Variants in LNPEP observed in about 807,000 individuals in gnomAD.
LNPEP encodes the protein leucyl and cystinyl aminopeptidase, also known as leucyl-cystinyl aminopeptidase.
In LNPEP, 64 loss-of-function variants were observed where a neutral mutation model predicts 120.6. The ratio of observed to expected loss-of-function variants is 0.53; its 90% CI spans 0.43 to 0.65. The LOEUF (loss-of-function observed/expected upper bound fraction) is 0.65, where lower values mean the gene tolerates loss of function less well. Ranked by LOEUF, LNPEP falls within the 30% of genes least tolerant of loss-of-function variation. The pLI is 0.00. For missense variants in LNPEP, 1,057 were observed against 1,200.0 expected, an observed-to-expected ratio of 0.88 and a Z score of 1.76; for synonymous variants, 435 against 425.4, an observed-to-expected ratio of 1.02 and a Z score of -0.28.
intron 1 of LNPEP, chr5:96,958,398 A>G: frequency 1.3e-6 from 1 of 777,946 alleles, no homozygotes; most frequent in African/African-American, 1.9e-5. Flanking sequence ...TAATTGAATT[A>G]CCTAATAGCT....
intron 1 of LNPEP, among the ~76,000 whole-genome samples, chr5:96,970,020 T>C (rs1328346003): frequency 6.6e-6 from 1 of 151,986 alleles, no homozygotes; most frequent in African/African-American, 2.4e-5. Flanking sequence ...ATTGATTTTT[T>C]AATTGTTTCC....
At chr5:96,986,752 G>T in intron 4 of LNPEP, 82 bp downstream of exon 4, 1 of 1,262,748 alleles carries the variant, frequency 7.9e-7, no homozygotes, top group Non-Finnish European at 1.1e-6. Context: ...CCTGGTATTT[G>T]CTGTGTGAAA....
chr5:97,034,851 TC>T lies in LNPEP; in HGVS notation c.*6322del, dbSNP rs1791542256. 6.6e-6 allele frequency: 1 copy of T among 152,100 alleles called. No homozygotes were observed. The highest frequency in any genetic ancestry group is 2.4e-5 in the African/African-American group (1 of 41,436). The allele number at this position is 152,100 out of a possible 1,614,324, so 9.4% of individuals were successfully genotyped here. A position where few individuals can be genotyped will look rare whatever the true frequency, so the allele number is the denominator to read the frequency against. On this transcript the variant is annotated 3_prime_UTR_variant, in exon 18 of 18. Transcript: ENST00000231368. ...TGACTCTATGAAAAATATCCCATAC[TC>T]CCCATCCCTCATTGCCTAGGGGGCA...
rs2548223 is a variant in LNPEP, at chr5:96,936,302, G to A, written c.19+128G>A. ...CCGCGGGCTTCCCACGAGGGCTGAGGGAGGCAGGGAGAGGGGATCTGGGGG... is the reference window on the plus strand; with the variant it reads ...CCGCGGGCTTCCCACGAGGGCTGAGAGAGGCAGGGAGAGGGGATCTGGGGG... On this transcript the variant is annotated intron_variant, in intron 1 of 17. Transcript: ENST00000231368. 8.5e-3 allele frequency: 5,908 copies of A among 694,730 alleles called. 48 individuals are homozygous for A. The highest frequency in any genetic ancestry group is 0.011 in the Non-Finnish European group (5,084 of 479,192). The allele number at this position is 694,730 out of a possible 1,614,324, so 43.0% of individuals were successfully genotyped here.
At position 97,028,727 on chromosome 5, in the gene LNPEP, A is replaced by C; in HGVS notation, c.*194A>C. 1 of 482,876 alleles carries C rather than the reference A, an allele frequency of 2.1e-6. No individual in the cohort carries two copies. The highest frequency in any genetic ancestry group is 3.6e-6 in the Non-Finnish European group (1 of 274,112). 29.9% of individuals were successfully genotyped at this position (482,876 alleles called of 1,614,324 possible). Reference sequence around the variant, plus strand: ...AAGTGTCTTTGGGCAGTATGTAGTTATTTATTACAAAATTATATTCACCTA... The same window carrying C: ...AAGTGTCTTTGGGCAGTATGTAGTTCTTTATTACAAAATTATATTCACCTA... On this transcript the variant is annotated 3_prime_UTR_variant, in exon 18 of 18. Transcript: ENST00000231368.
In LNPEP at chr5:96,941,218, C is replaced by T. The variant is rs920399667; in HGVS notation, c.19+5044C>T. Among the ~76,000 whole-genome samples, 4 of 152,152 alleles carry T rather than the reference C, an allele frequency of 2.6e-5. 1 individual carries two copies. Among genetic ancestry groups the T allele is most frequent in the South Asian group, 4.1e-4 (2 of 4,830 alleles). On this transcript the variant is annotated intron_variant, in intron 1 of 17. Transcript: ENST00000231368. ...GTGCTCCTATGAGAATCTAATGCCACCACTGATCTGACAGGAGGTGGAGCT... is the reference window on the plus strand; with the variant it reads ...GTGCTCCTATGAGAATCTAATGCCATCACTGATCTGACAGGAGGTGGAGCT...
intron 2 of LNPEP, among the ~76,000 whole-genome samples, chr5:96,980,688 C>G (rs865925133): frequency 2.6e-5 from 4 of 152,138 alleles, no homozygotes; most frequent in Admixed American, 1.3e-4. Context: ...GCAGTGATAT[C>G]AGTTGTCTTG....
At chr5:96,961,914 GA>G (rs1237621232) in intron 1 of LNPEP, among the ~76,000 whole-genome samples, 2 of 152,144 alleles carry the variant, frequency 1.3e-5, no homozygotes, top group Middle Eastern at 3.2e-3. Flanking sequence ...AGAAAGGGGA[GA>G]GGGGAAAGCC....
chr5:96,936,328 A>T, intron 1 of LNPEP, 154 bp downstream of exon 1: 20 of 156,938 alleles, frequency 1.3e-4, no homozygotes, highest in Middle Eastern at 4.4e-3. Context: ...GATCTGGGGG[A>T]GGCAGGGAGG....
In LNPEP at chr5:97,022,249, C is replaced by T. The variant is rs1276114146; in HGVS notation, c.2377-51C>T. The T allele has an allele frequency of 7.8e-6, 9 of 1,149,564 alleles. No homozygotes were observed. In the Admixed American group the frequency reaches 9.0e-5, roughly 11 times the overall value. 71.2% of individuals were successfully genotyped at this position (1,149,564 alleles called of 1,614,324 possible). A position where few individuals can be genotyped will look rare whatever the true frequency, so the allele number is the denominator to read the frequency against. ...TGGCTGTAATTGTCCTGTTTTTTTT[C>T]TGATTGTCCTAATTATTATGAAGCC... On this transcript the variant is annotated intron_variant, in intron 13 of 17. Coordinates refer to ENST00000231368, the MANE Select transcript of LNPEP (RefSeq NM_005575.3).
chr5:97,010,669 C>T (rs1790904283), intron 11 of LNPEP: 1 of 985,024 alleles, frequency 1.0e-6, no homozygotes, highest in Non-Finnish European at 1.2e-6. Flanking sequence ...TGTTAGATTA[C>T]TTCATCTGGG....
At chr5:97,011,096 C>CGTATGTATT in intron 11 of LNPEP, 4 of 985,352 alleles carry the variant, frequency 4.1e-6, no homozygotes, top group Non-Finnish European at 4.8e-6. Context: ...CAAGGTATTC[C>CGTATGTATT]GTATGTATTT....
intron 8 of LNPEP, among the ~76,000 whole-genome samples, chr5:96,999,123 A>G (rs1020764191): frequency 2.0e-5 from 3 of 152,178 alleles, no homozygotes; most frequent in Non-Finnish European, 4.4e-5. Flanking sequence ...TTTTTTTCCT[A>G]TGCAACAGGA....
At chr5:96,986,391 T>C (rs548963416) in intron 3 of LNPEP, 148 bp from the exon 4 acceptor site, 8 of 711,732 alleles carry the variant, frequency 1.1e-5, no homozygotes, top group East Asian at 5.5e-5. Context: ...CTAGGAGCCA[T>C]GCTCTTTGCA....
chr5:97,006,064 AT>A lies in LNPEP; in HGVS notation c.1786-5del. On this transcript the variant is annotated splice_polypyrimidine_tract_variant and splice_region_variant and intron_variant, in intron 9 of 17. Transcript: ENST00000231368. ...AAAAGTTTTATATATATATATATAT[AT>A]TTTGTAGGTCACAAACCAAACACTA... The A allele has an allele frequency of 8.9e-7, 1 of 1,129,148 alleles. No homozygotes were observed. The highest frequency in any genetic ancestry group is 1.2e-6 in the Non-Finnish European group (1 of 839,696). The allele number at this position is 1,129,148 out of a possible 1,614,324, so 69.9% of individuals were successfully genotyped here. A position where few individuals can be genotyped will look rare whatever the true frequency, so the allele number is the denominator to read the frequency against.
chr5:96,979,754 A>G lies in LNPEP; in HGVS notation c.636A>G (p.Thr212=), dbSNP rs757020347. 1 of 1,614,072 alleles carries G rather than the reference A, an allele frequency of 6.2e-7. No homozygotes were observed. Among genetic ancestry groups the G allele is most frequent in the South Asian group, 1.1e-5 (1 of 91,080 alleles). ...QVTWNIILHS[T]GHNISRVTFM... ...CATGGAATATCATTCTTCATAGCAC[A>G]GGTCATAATATTTCAAGAGTGACCT... The change falls in exon 2 of 18, where the codon ACA becomes ACG. Residue 212 remains threonine (T), a synonymous_variant. Transcript: ENST00000231368.
intron 1 of LNPEP, among the ~76,000 whole-genome samples, chr5:96,978,628 G>A (rs1003658326): frequency 6.6e-6 from 1 of 152,148 alleles, no homozygotes; most frequent in African/African-American, 2.4e-5. Context: ...TCAGGGATGA[G>A]ACCCACAAAT....
At chr5:96,943,197 A>G (rs1178198679) in intron 1 of LNPEP, 5 of 372,028 alleles carry the variant, frequency 1.3e-5, no homozygotes, top group Non-Finnish European at 8.6e-6. Flanking sequence ...TAAGTCAACT[A>G]TTTTAATAAA....
intron 1 of LNPEP, among the ~76,000 whole-genome samples, chr5:96,973,458 C>A (rs1026408825): frequency 6.6e-6 from 1 of 152,010 alleles, no homozygotes; most frequent in Admixed American, 6.6e-5. Context: ...CTGTCCCATA[C>A]TTGGAACTTA....
Sources: gnomAD v4.1 joint callset for allele counts (sites outside exome capture counted in the v4.1 genomes callset) on GRCh38, gnomAD v4.1.1 for gene constraint, MANE v1.5 for transcripts, NCBI Gene and HGNC (gene_info 2026-07-23, HGNC 2026-07-21) for gene names.